The following DSG4 variants were observed in gnomAD, a reference collection of about 807,000 sequenced individuals.
DSG4 encodes the protein desmoglein-4.
A neutral mutation model predicts 93.1 loss-of-function variants in DSG4; 87 were observed. The ratio of observed to expected loss-of-function variants is 0.93; its 90% confidence interval spans 0.79 to 1.12. DSG4 has a LOEUF of 1.12. Ranked by LOEUF, DSG4 falls within the 50% of genes most tolerant of loss-of-function variation. The probability of loss-of-function intolerance (pLI) is 0.00; values close to 1 mark genes in which losing one functional copy is unlikely to be tolerated. For missense variants in DSG4, 1,373 were observed against 1,285.7 expected, an observed-to-expected ratio of 1.07 and a Z score of -1.04; for synonymous variants, 432 against 452.9, an observed-to-expected ratio of 0.95 and a Z score of 0.59.
At chr18:31,411,765 AG>A (rs2072496199) in intron 15 of DSG4, among the ~76,000 whole-genome samples, 1 of 151,952 alleles carries the variant, frequency 6.6e-6, no homozygotes, top group Admixed American at 6.5e-5. Context: ...GTAGCAAAGC[AG>A]GAAAATGCTC....
chr18:31,412,844 CAGATGA>C lies in DSG4; in HGVS notation c.2381_2386del (p.Asp794_Glu795del). ...TAATTTTAGAAAGCGTATGCTTATG[CAGATGA>C]AGATGAAGGTCGACCAGCCAATGAC... On this transcript the variant is annotated inframe_deletion, in exon 16 of 16. Transcript: ENST00000308128. The C allele has an allele frequency of 6.2e-7, 1 of 1,614,132 alleles. No homozygotes were observed. The highest frequency in any genetic ancestry group is 8.5e-7 in the Non-Finnish European group (1 of 1,180,022).
intron 8 of DSG4, among the ~76,000 whole-genome samples, chr18:31,396,548 T>C (rs1598743645): frequency 6.6e-6 from 1 of 151,522 alleles, no homozygotes; most frequent in African/African-American, 2.4e-5. Context: ...AGAGACGGGG[T>C]TTCACCATTG....
At chr18:31,380,072 C>T (rs1165919927) in intron 1 of DSG4, among the ~76,000 whole-genome samples, 3 of 151,826 alleles carry the variant, frequency 2.0e-5, no homozygotes, top group African/African-American at 7.3e-5. Flanking sequence ...TATTTTTTGC[C>T]TTCAAATTCC....
rs549687085 is a variant in DSG4 at position 31,414,472 on chromosome 18, G to C, written c.*877G>C. On this transcript the variant is annotated 3_prime_UTR_variant, in exon 16 of 16. Coordinates refer to ENST00000308128, the MANE Select transcript of DSG4 (RefSeq NM_177986.5). ...ATTGGCAACCAGATATTCTCCAAAA[G>C]CACTCTGTAGTTATTCATATATTCT... 6.2e-4 allele frequency: 94 copies of C among 152,244 alleles called. 1 individual carries two copies. The highest frequency in any genetic ancestry group is 2.1e-3 in the African/African-American group (89 of 41,544). 9.4% of individuals were successfully genotyped at this position (152,244 alleles called of 1,614,324 possible).
intron 9 of DSG4, among the ~76,000 whole-genome samples, chr18:31,400,298 T>A (rs192020529): frequency 5.8e-4 from 88 of 152,356 alleles, no homozygotes; most frequent in Admixed American, 1.6e-3. Context: ...CTGTGAAGTC[T>A]GCCAGGATGG....
intron 14 of DSG4, among the ~76,000 whole-genome samples, chr18:31,410,247 C>T (rs2072471616): frequency 6.6e-6 from 1 of 152,080 alleles, no homozygotes; most frequent in Non-Finnish European, 1.5e-5. Context: ...TTTAACCTCA[C>T]TGGGCCTCAG....
chr18:31,392,280 G>A lies in DSG4; in HGVS notation c.945G>A (p.Gly315=), dbSNP rs1388232325. The A allele has an allele frequency of 1.2e-6, 2 of 1,613,592 alleles. No homozygotes were observed. The highest frequency in any genetic ancestry group is 1.7e-5 in the Admixed American group (1 of 59,978). The change falls in exon 8 of 16, where the codon GGG becomes GGA. Residue 315 remains glycine (G), a synonymous_variant. Coordinates refer to ENST00000308128, the MANE Select transcript of DSG4 (RefSeq NM_177986.5). ...ATTTAATTCTCTCTGGAAATGATGG[G>A]AATTGGTTCGATATTCAAACAGATC... The part of the protein sequence containing the change: ...AQYLILSGND[G]NWFDIQTDPQ...
intron 1 of DSG4, among the ~76,000 whole-genome samples, chr18:31,381,410 T>C (rs2072133201): frequency 6.6e-6 from 1 of 152,130 alleles, no homozygotes; most frequent in Non-Finnish European, 1.5e-5. Flanking sequence ...TGGGATAAAT[T>C]AGTCAGACAG....
intron 1 of DSG4, among the ~76,000 whole-genome samples, chr18:31,381,280 C>A (rs2072131770): frequency 6.6e-6 from 1 of 152,088 alleles, no homozygotes; most frequent in African/African-American, 2.4e-5. Context: ...AGCTGCCAGC[C>A]ACTACATTGC....
intron 1 of DSG4, among the ~76,000 whole-genome samples, chr18:31,379,296 T>C (rs2072110009): frequency 6.6e-6 from 1 of 152,210 alleles, no homozygotes; most frequent in Non-Finnish European, 1.5e-5. Flanking sequence ...TGTGAGAATG[T>C]ATGGTTAGAC....
intron 10 of DSG4, 68 bp from the exon 11 acceptor site, chr18:31,403,348 G>A: frequency 1.6e-6 from 2 of 1,286,930 alleles, no homozygotes. Context: ...GGCATCATCA[G>A]GGGATATGAG....
intron 1 of DSG4, chr18:31,382,571 C>T (rs953467733): frequency 2.0e-5 from 3 of 152,206 alleles, no homozygotes; most frequent in African/African-American, 7.2e-5. Context: ...TTCCATGCTT[C>T]TTCCAAAACA....
At position 31,409,482 on chromosome 18, in the gene DSG4, GCAAA is replaced by G. The variant is rs778215792; in HGVS notation, c.1967_1970del (p.Lys656ArgfsTer21). ...CCACTCTTGCTGCTCCTGTGTTGCT[GCAAA>G]CAGAGACAGCCAGAAGGCCTGGGAA... On this transcript the variant is annotated frameshift_variant, in exon 13 of 16. Transcript: ENST00000308128. LOFTEE classifies it high-confidence loss of function. The G allele has an allele frequency of 8.1e-6, 13 of 1,614,076 alleles. No homozygotes were observed. The highest frequency in any genetic ancestry group is 2.7e-5 in the African/African-American group (2 of 74,916).
chr18:31,402,459 T>C (rs1342741036), intron 10 of DSG4, among the ~76,000 whole-genome samples: 2 of 152,112 alleles, frequency 1.3e-5, no homozygotes, highest in Non-Finnish European at 1.5e-5. Context: ...ACATCCTTCA[T>C]CTAGTAAAAA....
chr18:31,389,089 T>A, intron 5 of DSG4, 71 bp downstream of exon 5: 1 of 1,553,678 alleles, frequency 6.4e-7, no homozygotes, highest in Non-Finnish European at 8.9e-7. Context: ...TTTAGAGGAC[T>A]GACATACAGG....
Position 31,399,523 on chromosome 18 carries a change from A to G in DSG4, c.1257A>G (p.Gly419=). The G allele has an allele frequency of 6.2e-7, 1 of 1,614,022 alleles. No individual in the cohort carries two copies. Among genetic ancestry groups the G allele is most frequent in the Non-Finnish European group, 8.5e-7 (1 of 1,179,918 alleles). ...ATACAGCCATAGATTTGGACACAGG[A>G]AACCCTGCAACAGATGTCAGGTACT... ...GTYTAIDLDT[G]NPATDVRYII... Residue 419 remains glycine (G), a synonymous_variant, in exon 9 of 16, where the codon GGA becomes GGG. Coordinates refer to ENST00000308128, the MANE Select transcript of DSG4 (RefSeq NM_177986.5).
rs762562609 is a variant in DSG4 at position 31,388,417 on chromosome 18, A to G, written c.267A>G (p.Gly89=). 1.9e-6 allele frequency: 3 copies of G among 1,613,528 alleles called. No homozygotes were observed. In the Admixed American group the frequency reaches 5.0e-5, roughly 27 times the overall value. The change falls in exon 4 of 16, where the codon GGA becomes GGG. Residue 89 remains glycine, a synonymous_variant. Coordinates refer to ENST00000308128, the MANE Select transcript of DSG4 (RefSeq NM_177986.5). ...AGAAGATAACATACCGGATTTCTGG[A>G]GTAGGGATTGATCGACCACCATATG... is the stretch of plus-strand genomic sequence containing the variant. ...SNQKITYRIS[G]VGIDRPPYGV...
At position 31,386,873 on chromosome 18, in the gene DSG4, C is replaced by T; in HGVS notation, c.216+54C>T. ...TGCTTTTGCAGAGCAGGGAAGCTTTCAAATATCTCCAAGATTTGCAGGCTT... is the reference window on the plus strand; with the variant it reads ...TGCTTTTGCAGAGCAGGGAAGCTTTTAAATATCTCCAAGATTTGCAGGCTT... On this transcript the variant is annotated intron_variant, in intron 3 of 15. Coordinates refer to ENST00000308128, the MANE Select transcript of DSG4 (RefSeq NM_177986.5). The T allele has an allele frequency of 2.5e-6, 4 of 1,609,206 alleles. No individual in the cohort carries two copies. In the South Asian group the frequency reaches 4.4e-5, roughly 18 times the overall value.
intron 1 of DSG4, among the ~76,000 whole-genome samples, chr18:31,381,046 A>G (rs1162710514): frequency 3.9e-5 from 6 of 152,344 alleles, no homozygotes; most frequent in Non-Finnish European, 7.4e-5. Context: ...ATACATTATT[A>G]CAGGTCGAAA....
Sources: gnomAD v4.1 joint callset for allele counts (sites outside exome capture counted in the v4.1 genomes callset) on GRCh38, gnomAD v4.1.1 for gene constraint, MANE v1.5 for transcripts, NCBI Gene and HGNC (gene_info 2026-07-23, HGNC 2026-07-21) for gene names.